The following DOT1L variants were observed in gnomAD, a reference collection of about 807,000 sequenced individuals.
DOT1L encodes the protein DOT1 like histone lysine methyltransferase.
Under a neutral mutation model 153.3 loss-of-function variants are expected in DOT1L, and 33 were observed. The observed-to-expected ratio is 0.22, with a 90% CI of 0.16 to 0.29. DOT1L has a LOEUF of 0.29. Among genes scored for constraint, DOT1L ranks in the 10% least tolerant of loss-of-function variants. The pLI is 1.00. For synonymous variants in DOT1L, 1,135 were observed against 965.1 expected, an observed-to-expected ratio of 1.18 and a Z score of -3.26; for missense variants, 1,847 against 2,119.9, an observed-to-expected ratio of 0.87 and a Z score of 2.53.
chr19:2,208,597 G>T lies in DOT1L; in HGVS notation c.964-338G>T, dbSNP rs1280695753. Among the ~76,000 whole-genome samples the T allele has an allele frequency of 6.6e-6, 1 of 152,170 alleles. No homozygotes were observed. The highest frequency in any genetic ancestry group is 2.4e-5 in the African/African-American group (1 of 41,428). On this transcript the variant is annotated intron_variant, in intron 11 of 27. Coordinates refer to ENST00000398665, the MANE Select transcript of DOT1L (RefSeq NM_032482.3). The surrounding 1 kb of genome is among the most constrained non-coding windows in gnomAD (Gnocchi z 4.4). The stretch of plus-strand genomic sequence containing the variant: ...ACTGACGCCCTCGGCGCAGCCTCTC[G>T]CCTTCTCCTCTGAGGCGGGCGCGGT...
chr19:2,211,085 C>G lies in DOT1L; in HGVS notation c.1352-14C>G, dbSNP rs2023695711. ...GACCCGCCCTGTGCTGACGCCTGCC[C>G]TCCGCTCTCCCAGATGCCTACAGAT... On this transcript the variant is annotated splice_polypyrimidine_tract_variant and intron_variant, in intron 14 of 27. Transcript: ENST00000398665. 2.2e-5 allele frequency: 36 copies of G among 1,609,698 alleles called. No individual in the cohort carries two copies. In the East Asian group the frequency reaches 7.8e-4, roughly 35 times the overall value.
chr19:2,199,402 C>T (rs1171225227), intron 7 of DOT1L, among the ~76,000 whole-genome samples: 2 of 152,238 alleles, frequency 1.3e-5, no homozygotes, highest in African/African-American at 2.4e-5. Flanking sequence ...GGCCGAGTGT[C>T]GCTGCCTGCC....
Position 2,188,480 on chromosome 19 carries a change from G to GCCCCCCCCCCC in DOT1L, c.201-1248_201-1238dup, listed in dbSNP as rs375314788. 1.3e-4 allele frequency among the ~76,000 whole-genome samples: 9 copies of GCCCCCCCCCCC among 66,998 alleles called. 1 individual carries two copies. The highest frequency in any genetic ancestry group is 3.6e-4 in the African/African-American group (5 of 14,054). 44.0% of individuals were successfully genotyped at this position (66,998 alleles called of 152,430 possible). ...GCGGAGGAAAGAGTCCCCAGCCGCC[G>GCCCCCCCCCCC]CCCCCCCCCCCCCCACCCGCACAGG... is the stretch of plus-strand genomic sequence containing the variant. On this transcript the variant is annotated intron_variant, in intron 3 of 27. Coordinates refer to ENST00000398665, the MANE Select transcript of DOT1L (RefSeq NM_032482.3).
chr19:2,213,824 C>T (rs1222351697), intron 17 of DOT1L, 25 bp from the exon 18 acceptor site: 1 of 1,612,512 alleles, frequency 6.2e-7, no homozygotes, highest in Non-Finnish European at 8.5e-7. Flanking sequence ...ACCAGCATGA[C>T]CTCTCCCCCG....
chr19:2,187,134 C>A (rs947086948), intron 3 of DOT1L, among the ~76,000 whole-genome samples: 1 of 152,230 alleles, frequency 6.6e-6, no homozygotes, highest in Non-Finnish European at 1.5e-5. Context: ...CCAGGAGCCC[C>A]CCACAAGTCG....
intron 25 of DOT1L, 66 bp from the exon 26 acceptor site, chr19:2,225,322 C>T (rs1049253101): frequency 2.0e-6 from 3 of 1,506,452 alleles, no homozygotes; most frequent in Admixed American, 1.7e-5. Context: ...TGTTGGCTGT[C>T]AGCATTTGTG....
Position 2,164,293 on chromosome 19 carries a change from C to T in DOT1L, c.81+28C>T, listed in dbSNP as rs137954898. 2.2e-4 allele frequency: 277 copies of T among 1,240,422 alleles called. 1 individual carries two copies. The African/African-American group carries it at 3.8e-3, about 17-fold the overall frequency. The allele number at this position is 1,240,422 out of a possible 1,614,324, so 76.8% of individuals were successfully genotyped here. A position where few individuals can be genotyped will look rare whatever the true frequency, so the allele number is the denominator to read the frequency against. ...GAGTGCCGCCCTCCACCGTCCCTAC[C>T]TCCCGGCCTCCCCTCCTCCGCCGCC... On this transcript the variant is annotated intron_variant, in intron 1 of 27. Coordinates refer to ENST00000398665, the MANE Select transcript of DOT1L (RefSeq NM_032482.3).
Position 2,222,967 on chromosome 19 carries a change from T to G in DOT1L, c.3391-314T>G. 2 of 421,560 alleles carry G rather than the reference T, an allele frequency of 4.7e-6. No homozygotes were observed. The highest frequency in any genetic ancestry group is 4.2e-5 in the East Asian group (1 of 23,768). 26.1% of individuals were successfully genotyped at this position (421,560 alleles called of 1,614,324 possible). A position where few individuals can be genotyped will look rare whatever the true frequency, so the allele number is the denominator to read the frequency against. On this transcript the variant is annotated intron_variant, in intron 24 of 27. Transcript: ENST00000398665. This position sits in a 1 kb window ranked among gnomAD's most constrained non-coding sequence, Gnocchi z 6.5. ...CTCCACCACGTGCGGCCTGGCAGCC[T>G]GGGAAGAGGCGGCCGACAGCTGTCT...
At chr19:2,170,821 C>T (rs1031515301) in intron 1 of DOT1L, among the ~76,000 whole-genome samples, 2 of 152,052 alleles carry the variant, frequency 1.3e-5, no homozygotes, top group African/African-American at 4.8e-5. Context: ...GAAATGGATC[C>T]TCAGGGCAAG....
intron 12 of DOT1L, among the ~76,000 whole-genome samples, chr19:2,209,229 ATCTC>A (rs199853379): frequency 1.6e-5 from 2 of 128,182 alleles, no homozygotes; most frequent in Non-Finnish European, 3.4e-5. Context: ...TCACCATTCA[ATCTC>A]TCTCTCTCTC....
chr19:2,216,510 C>A lies in DOT1L; in HGVS notation c.2153C>A (p.Ala718Asp). The stretch of plus-strand genomic sequence containing the variant: ...GAGCTCTCCATGAACGGCCAGGCTG[C>A]TGGCTATGAGCTCTGCGGTGTGCTG... ...SPELSMNGQA[A>D]GYELCGVLSR... The change falls in exon 20 of 28, where the codon GCT (alanine) becomes GAT (aspartate). Residue 718 changes from alanine (A) to aspartate (D), a missense_variant. Around this residue, in one of 8 missense-constraint regions of DOT1L, gnomAD observed 281 missense variants for 263.6 expected, o/e 1.07. Transcript: ENST00000398665. The A allele has an allele frequency of 6.2e-7, 1 of 1,612,424 alleles. No homozygotes were observed. The highest frequency in any genetic ancestry group is 8.5e-7 in the Non-Finnish European group (1 of 1,179,952).
intron 1 of DOT1L, among the ~76,000 whole-genome samples, chr19:2,176,491 C>CA (rs1473942182): frequency 4.6e-5 from 7 of 152,346 alleles, no homozygotes; most frequent in African/African-American, 1.7e-4. Context: ...AAAATAATGT[C>CA]ACGCTGCCAA....
intron 7 of DOT1L, among the ~76,000 whole-genome samples, chr19:2,196,681 T>G (rs2023034543): frequency 6.6e-6 from 1 of 152,146 alleles, no homozygotes; most frequent in African/African-American, 2.4e-5. Flanking sequence ...ACACGGAGCT[T>G]TGCCTTTTCC....
intron 27 of DOT1L, chr19:2,228,752 A>C: frequency 1.0e-6 from 1 of 985,404 alleles, no homozygotes; most frequent in Non-Finnish European, 1.2e-6. Flanking sequence ...CACCAGGCCC[A>C]GGTCACTCAT....
chr19:2,175,343 C>T (rs1400279140), intron 1 of DOT1L, among the ~76,000 whole-genome samples: 1 of 152,044 alleles, frequency 6.6e-6, no homozygotes, highest in Non-Finnish European at 1.5e-5. Flanking sequence ...TGCTATGTTG[C>T]CCAGGTTAGA....
chr19:2,179,424 T>C (rs897218220), intron 1 of DOT1L, among the ~76,000 whole-genome samples: 2 of 152,190 alleles, frequency 1.3e-5, no homozygotes, highest in African/African-American at 4.8e-5. Context: ...CCCTGTGGAC[T>C]GCAGCATCCA....
At chr19:2,214,659 C>A in intron 19 of DOT1L, 63 bp downstream of exon 19, 2 of 1,583,158 alleles carry the variant, frequency 1.3e-6, no homozygotes, top group South Asian at 1.1e-5. Flanking sequence ...CTCCCTGTGA[C>A]GTCGTTGAGC....
intron 1 of DOT1L, among the ~76,000 whole-genome samples, chr19:2,178,177 C>G (rs1299846222): frequency 6.6e-6 from 1 of 150,822 alleles, no homozygotes; most frequent in African/African-American, 2.4e-5. Context: ...AGTGATCCAC[C>G]CGCCTCGGCC....
rs564910429 is a variant in DOT1L at position 2,186,924 on chromosome 19, A to G, written c.200+995A>G. 1.4e-4 allele frequency among the ~76,000 whole-genome samples: 21 copies of G among 152,306 alleles called. No homozygotes were observed. In the East Asian group the frequency reaches 1.7e-3, roughly 13 times the overall value. ...ATGCAGCGTGCAGATCAACAGCCGC[A>G]TGGCAGGGTCCACAGGGAGGGGCCT... On this transcript the variant is annotated intron_variant, in intron 3 of 27. Transcript: ENST00000398665.
Sources: allele counts gnomAD v4.1 joint callset (sites outside exome capture counted in the v4.1 genomes callset), GRCh38; gene constraint gnomAD v4.1.1; regional missense constraint gnomAD v4.1.1; non-coding constraint Gnocchi (gnomAD v3.1); transcripts MANE v1.5; gene names NCBI Gene and HGNC (gene_info 2026-07-23, HGNC 2026-07-21).